ANO3: variants seen among roughly 807,000 people sequenced by gnomAD.
ANO3 encodes anoctamin-3.
Under a neutral mutation model 144.8 loss-of-function variants are expected in ANO3, and 99 were observed. That is an observed-to-expected ratio of 0.68 (90% confidence interval 0.58 to 0.81). The LOEUF (loss-of-function observed/expected upper bound fraction) is 0.81, where lower values mean the gene tolerates loss of function less well. ANO3 is among the 30% of genes least tolerant of loss of function. The probability of loss-of-function intolerance (pLI) is 0.00; values close to 1 mark genes in which losing one functional copy is unlikely to be tolerated. For synonymous variants in ANO3, 414 were observed against 392.6 expected, an observed-to-expected ratio of 1.05 and a Z score of -0.64; for missense variants, 905 against 1,202.2, an observed-to-expected ratio of 0.75 and a Z score of 3.66.
At chr11:26,406,122 G>A (rs775931907) in intron 1 of ANO3, among the ~76,000 whole-genome samples, 1 of 151,858 alleles carries the variant, frequency 6.6e-6, no homozygotes, top group Non-Finnish European at 1.5e-5. Context: ...TGAGTAATTT[G>A]TAAACAGTAG....
intron 1 of ANO3, among the ~76,000 whole-genome samples, chr11:26,204,051 C>A (rs984188534): frequency 2.0e-5 from 3 of 152,094 alleles, no homozygotes; most frequent in Non-Finnish European, 2.9e-5. Flanking sequence ...TGTAATCTGA[C>A]CTTTGAGTGC....
chr11:26,394,137 C>T (rs1453443898), intron 1 of ANO3, among the ~76,000 whole-genome samples: 2 of 152,082 alleles, frequency 1.3e-5, no homozygotes, highest in African/African-American at 4.8e-5. Flanking sequence ...GTTTTATTTT[C>T]CCAAACTGCT....
chr11:26,318,418 T>A (rs73441547), intron 1 of ANO3, among the ~76,000 whole-genome samples: 3,642 of 152,272 alleles, frequency 0.024, 137 homozygotes, highest in African/African-American at 0.084. Context: ...GCTGCATCCA[T>A]GTTTGGAAAC....
intron 1 of ANO3, among the ~76,000 whole-genome samples, chr11:26,440,826 G>T (rs2134021779): frequency 6.6e-6 from 1 of 152,270 alleles, no homozygotes; most frequent in East Asian, 1.9e-4. Context: ...GAGAGAGTCT[G>T]AGTGGGAGAT....
At chr11:26,446,942 G>A (rs994698440) in intron 3 of ANO3, among the ~76,000 whole-genome samples, 10 of 152,116 alleles carry the variant, frequency 6.6e-5, no homozygotes, top group African/African-American at 2.4e-4. Context: ...GGGTGTGGTG[G>A]CTCCCACCTG....
chr11:26,597,626 A>C (rs1321997882), intron 14 of ANO3, among the ~76,000 whole-genome samples: 1 of 152,144 alleles, frequency 6.6e-6, no homozygotes, highest in East Asian at 1.9e-4. Flanking sequence ...GATTTAATAG[A>C]GTGAAAACAG....
intron 24 of ANO3, among the ~76,000 whole-genome samples, chr11:26,654,419 C>G (rs950207352): frequency 6.6e-6 from 1 of 151,878 alleles, no homozygotes; most frequent in African/African-American, 2.4e-5. Context: ...CTTTTGTTTG[C>G]TGCTAGTATA....
At chr11:26,619,062 C>G (rs1243771534) in intron 17 of ANO3, among the ~76,000 whole-genome samples, 1 of 152,060 alleles carries the variant, frequency 6.6e-6, no homozygotes, top group Non-Finnish European at 1.5e-5. Flanking sequence ...AGTATAAGCT[C>G]CTTATGAACA....
intron 1 of ANO3, among the ~76,000 whole-genome samples, chr11:26,372,376 G>A (rs1473114757): frequency 6.6e-6 from 1 of 152,124 alleles, no homozygotes; most frequent in Non-Finnish European, 1.5e-5. Context: ...CCAGTCTCAG[G>A]TATGTCTTTA....
intron 26 of ANO3, 53 bp downstream of exon 26, chr11:26,656,534 A>T: frequency 1.7e-6 from 2 of 1,196,084 alleles, no homozygotes; most frequent in Non-Finnish European, 2.5e-6. Flanking sequence ...TTTCTAAATG[A>T]TTTATCAGTT....
intron 5 of ANO3, among the ~76,000 whole-genome samples, chr11:26,512,311 G>T (rs1353178149): frequency 2.0e-5 from 3 of 152,132 alleles, no homozygotes; most frequent in African/African-American, 7.2e-5. Context: ...ATTTGGGGTG[G>T]AATAATTAAA....
upstream of ANO3, among the ~76,000 whole-genome samples, chr11:26,308,904 C>T (rs184750421): frequency 6.6e-6 from 1 of 152,138 alleles, no homozygotes; most frequent in Non-Finnish European, 1.5e-5. Context: ...ATTTTTACAG[C>T]ATTTCAAGGT....
chr11:26,420,928 G>T (rs1312634969), intron 1 of ANO3, among the ~76,000 whole-genome samples: 1 of 151,950 alleles, frequency 6.6e-6, no homozygotes, highest in Non-Finnish European at 1.5e-5. Flanking sequence ...GTATTACAAA[G>T]GAAGTTTCTG....
chr11:26,271,538 G>A (rs943169413), intron 1 of ANO3, among the ~76,000 whole-genome samples: 7 of 152,134 alleles, frequency 4.6e-5, no homozygotes, highest in African/African-American at 1.7e-4. Flanking sequence ...TTTAGTATTT[G>A]TATTTATTTC....
chr11:26,476,609 C>T (rs1040353873), intron 4 of ANO3, among the ~76,000 whole-genome samples: 1 of 151,960 alleles, frequency 6.6e-6, no homozygotes, highest in African/African-American at 2.4e-5. Flanking sequence ...TTTGGACGAT[C>T]TCTGTTTTTA....
chr11:26,370,061 A>G (rs375807274), intron 1 of ANO3, among the ~76,000 whole-genome samples: 15 of 152,262 alleles, frequency 9.9e-5, no homozygotes, highest in African/African-American at 3.6e-4. Context: ...ATGACTAAAA[A>G]CCTTAAGAAT....
chr11:26,595,110 A>C (rs1478792201), intron 14 of ANO3, among the ~76,000 whole-genome samples: 1 of 152,174 alleles, frequency 6.6e-6, no homozygotes, highest in Non-Finnish European at 1.5e-5. Flanking sequence ...TTAGTCCTAG[A>C]GCGTCCTCTA....
intron 1 of ANO3, among the ~76,000 whole-genome samples, chr11:26,228,969 A>C (rs1018560406): frequency 6.6e-6 from 1 of 152,194 alleles, no homozygotes; most frequent in African/African-American, 2.4e-5. Context: ...GAAAAAAATA[A>C]TAATTAACAA....
At chr11:26,354,529 A>C (rs954243580) in intron 1 of ANO3, among the ~76,000 whole-genome samples, 7 of 152,138 alleles carry the variant, frequency 4.6e-5, no homozygotes, top group African/African-American at 1.4e-4. Flanking sequence ...AATAAACAAA[A>C]ACCTTCCAGT....
Sources: gnomAD v4.1 joint callset for allele counts (sites outside exome capture counted in the v4.1 genomes callset) on GRCh38, gnomAD v4.1.1 for gene constraint, MANE v1.5 for transcripts, NCBI Gene and HGNC (gene_info 2026-07-23, HGNC 2026-07-21) for gene names.